The following WWOX variants were observed in gnomAD, a reference collection of about 807,000 sequenced individuals.
The protein encoded by WWOX is WW domain containing oxidoreductase, also known as WW domain-containing oxidoreductase.
A neutral mutation model predicts 46.2 loss-of-function variants in WWOX; 69 were observed. The ratio of observed to expected loss-of-function variants is 1.49; its 90% CI spans 1.23 to 1.82. WWOX has a LOEUF of 1.82. Among genes scored for constraint, WWOX ranks in the 40% most tolerant of loss-of-function variants. The pLI is 0.00. For missense variants in WWOX, 919 were observed against 542.6 expected (o/e 1.69, Z -6.89); for synonymous variants, 359 against 202.6 (o/e 1.77, Z -6.56).
intron 8 of WWOX, among the ~76,000 whole-genome samples, chr16:78,968,187 G>C (rs1465040234): frequency 2.0e-5 from 3 of 151,996 alleles, no homozygotes; most frequent in Non-Finnish European, 4.4e-5. Context: ...GCGTGGCACA[G>C]TGCGTGGTCT....
intron 8 of WWOX, among the ~76,000 whole-genome samples, chr16:78,819,490 A>G (rs2051434407): frequency 6.6e-6 from 1 of 152,230 alleles, no homozygotes; most frequent in African/African-American, 2.4e-5. Context: ...AAATTTCTGC[A>G]TAATCCACCA....
intron 8 of WWOX, among the ~76,000 whole-genome samples, chr16:78,879,098 A>G (rs2656623): frequency 0.29 from 43,270 of 151,822 alleles, 6,435 homozygotes; most frequent in Middle Eastern, 0.45. Context: ...TTTACTAGAA[A>G]CAAATTAACT....
intron 8 of WWOX, among the ~76,000 whole-genome samples, chr16:78,862,791 C>G (rs2043919438): frequency 6.6e-6 from 1 of 152,048 alleles, no homozygotes; most frequent in African/African-American, 2.4e-5. Flanking sequence ...TGAAGCCACC[C>G]ACACTGGGAA....
rs1343846369 is a variant in WWOX at position 78,881,072 on chromosome 16, A to G, written c.1057-330536A>G. Among the ~76,000 whole-genome samples the G allele has an allele frequency of 2.0e-5, 3 of 150,120 alleles. No homozygotes were observed. The South Asian group carries it at 6.3e-4, about 32-fold the overall frequency. On this transcript the variant is annotated intron_variant, in intron 8 of 8. Coordinates refer to ENST00000566780, the MANE Select transcript of WWOX (RefSeq NM_016373.4). ...GGTGGCAGGATCACGGCTCACTGCA[A>G]CCTTTGCCTCCTGGGCGCAAGTGAT...
chr16:79,093,093 G>A (rs73575143), intron 8 of WWOX, among the ~76,000 whole-genome samples: 321 of 152,308 alleles, frequency 2.1e-3, no homozygotes, highest in African/African-American at 6.8e-3. Flanking sequence ...TGTTGGTTAC[G>A]TAACTGTGGT....
At chr16:78,957,540 C>T (rs914118063) in intron 8 of WWOX, among the ~76,000 whole-genome samples, 1 of 152,184 alleles carries the variant, frequency 6.6e-6, no homozygotes, top group African/African-American at 2.4e-5. Flanking sequence ...TACTGCTGCA[C>T]ACCTTTAATC....
At chr16:78,300,998 A>ATCCG (rs1336101240) in intron 5 of WWOX, among the ~76,000 whole-genome samples, 12 of 145,008 alleles carry the variant, frequency 8.3e-5, no homozygotes, top group Admixed American at 4.8e-4. Context: ...CTACCCACCC[A>ATCCG]TCCATCCATC....
chr16:78,593,581 C>T (rs779406763), intron 8 of WWOX, among the ~76,000 whole-genome samples: 2 of 152,186 alleles, frequency 1.3e-5, no homozygotes. Context: ...CAAACCAGGA[C>T]AGTCCAAGTC....
chr16:78,362,906 T>G (rs1156277674), intron 5 of WWOX, among the ~76,000 whole-genome samples: 1 of 152,120 alleles, frequency 6.6e-6, no homozygotes, highest in Non-Finnish European at 1.5e-5. Context: ...GGTGGTGGTG[T>G]CAGAATGTTA....
chr16:78,890,209 A>T (rs773831535), intron 8 of WWOX: 1 of 152,226 alleles, frequency 6.6e-6, no homozygotes, highest in Admixed American at 6.5e-5. Flanking sequence ...AGGCACATCT[A>T]TTCTTGAAAT....
intron 8 of WWOX, among the ~76,000 whole-genome samples, chr16:78,946,915 T>G (rs1013990809): frequency 6.6e-6 from 1 of 152,096 alleles, no homozygotes; most frequent in East Asian, 1.9e-4. Context: ...AGTAGGATAG[T>G]TTCCCTTCCT....
At chr16:78,753,418 A>G (rs1255066093) in intron 8 of WWOX, among the ~76,000 whole-genome samples, 1 of 152,138 alleles carries the variant, frequency 6.6e-6, no homozygotes, top group African/African-American at 2.4e-5. Context: ...GGTTGGGAGG[A>G]CCAGTCACCC....
intron 5 of WWOX, among the ~76,000 whole-genome samples, chr16:78,313,355 G>C (rs1455131730): frequency 6.6e-6 from 1 of 152,104 alleles, no homozygotes; most frequent in East Asian, 1.9e-4. Flanking sequence ...TCAGAGATGT[G>C]TTTCGTTGTT....
At position 79,125,262 on chromosome 16, in the gene WWOX, G is replaced by T. The variant is rs188233461; in HGVS notation, c.1057-86346G>T. 7.2e-5 allele frequency among the ~76,000 whole-genome samples: 11 copies of T among 152,222 alleles called. No individual in the cohort carries two copies. In the East Asian group the frequency reaches 2.1e-3, roughly 29 times the overall value. ...ATTCGATTGGCATTTCCAGAGTACT[G>T]TTGATTGTATTTTAGAATCTTCCAA... On this transcript the variant is annotated intron_variant, in intron 8 of 8. Transcript: ENST00000566780.
intron 5 of WWOX, among the ~76,000 whole-genome samples, chr16:78,380,779 A>G (rs2081938395): frequency 6.6e-6 from 1 of 152,172 alleles, no homozygotes; most frequent in Non-Finnish European, 1.5e-5. Flanking sequence ...TACAAGAAGC[A>G]GTAACTTGCC....
At chr16:78,716,034 C>G (rs1272175514) in intron 8 of WWOX, among the ~76,000 whole-genome samples, 1 of 151,536 alleles carries the variant, frequency 6.6e-6, no homozygotes, top group Non-Finnish European at 1.5e-5. Flanking sequence ...TTCTGATAAT[C>G]ATTATCATCA....
In WWOX at chr16:78,904,535, C is replaced by T. The variant is rs192324528; in HGVS notation, c.1057-307073C>T. On this transcript the variant is annotated intron_variant, in intron 8 of 8. Transcript: ENST00000566780. ...TACAGGCATGAGCCACCGGCCTGGC[C>T]ATAAATGTCTTTTCTGGGTGGGGCA... Among the ~76,000 whole-genome samples, 24 of 152,222 alleles carry T rather than the reference C, an allele frequency of 1.6e-4. No individual in the cohort carries two copies. In the East Asian group the frequency reaches 4.3e-3, roughly 27 times the overall value.
chr16:78,591,382 A>T (rs948899309), intron 8 of WWOX, among the ~76,000 whole-genome samples: 12 of 152,176 alleles, frequency 7.9e-5, no homozygotes, highest in Admixed American at 3.3e-4. Context: ...TAGGCCATGG[A>T]AGAGTAACAG....
At chr16:78,261,298 C>CATAG (rs2079228085) in intron 5 of WWOX, among the ~76,000 whole-genome samples, 1 of 150,596 alleles carries the variant, frequency 6.6e-6, no homozygotes, top group South Asian at 2.1e-4. Flanking sequence ...TACATACATA[C>CATAG]ATACATACAT....
Sources: gnomAD v4.1 joint callset for allele counts (sites outside exome capture counted in the v4.1 genomes callset) on GRCh38, gnomAD v4.1.1 for gene constraint, MANE v1.5 for transcripts, NCBI Gene and HGNC (gene_info 2026-07-23, HGNC 2026-07-21) for gene names.